The following MYH3 variants were observed in gnomAD, a reference collection of about 807,000 sequenced individuals.
MYH3 encodes myosin heavy chain 3, also known as myosin-3.
MYH3 carries 130 observed loss-of-function variants against 238.0 expected under a neutral mutation model. The ratio of observed to expected loss-of-function variants is 0.55; its 90% CI spans 0.47 to 0.63. MYH3 has a LOEUF of 0.63. MYH3 is among the 30% of genes least tolerant of loss of function. The probability of loss-of-function intolerance (pLI) is 0.00; values close to 1 mark genes in which losing one functional copy is unlikely to be tolerated. For missense variants in MYH3, 1,853 were observed against 2,374.9 expected (o/e 0.78, Z 4.57); for synonymous variants, 880 against 924.1 (o/e 0.95, Z 0.86).
In MYH3 at chr17:10,630,115, T is replaced by C; in HGVS notation, c.5539A>G (p.Arg1847Gly). The change falls in exon 38 of 41, where the codon AGG becomes GGG. Residue 1847 changes from arginine (R) to glycine (G), a missense_variant. Transcript: ENST00000583535. ...SVKGLRKYER[R>G]VKELTYQSEE... ...ACCTGGTACGTCAGCTCCTTGACCC[T>C]CCGCTCATACTTCCTCAGGCCCTTA... is the stretch of plus-strand genomic sequence containing the variant. 3 of 1,614,180 alleles carry C rather than the reference T, an allele frequency of 1.9e-6. No individual in the cohort carries two copies. Among genetic ancestry groups the C allele is most frequent in the Non-Finnish European group, 2.5e-6 (3 of 1,180,014 alleles).
Position 10,638,857 on chromosome 17 carries a change from T to G in MYH3, c.3339+16A>C. 6.2e-7 allele frequency: 1 copy of G among 1,611,360 alleles called. No homozygotes were observed. The highest frequency in any genetic ancestry group is 8.5e-7 in the Non-Finnish European group (1 of 1,177,606). On this transcript the variant is annotated intron_variant, in intron 26 of 40. Coordinates refer to ENST00000583535, the MANE Select transcript of MYH3 (RefSeq NM_002470.4). ...AGTGGCCTCACATGGAAGAGAGAAA[T>G]GCAGAGGGCTCCTACCTGCAACTCT...
At chr17:10,644,215 C>T in intron 14 of MYH3, 136 bp downstream of exon 14, 2 of 917,578 alleles carry the variant, frequency 2.2e-6, no homozygotes, top group Non-Finnish European at 3.5e-6. Flanking sequence ...TACCGCTCCT[C>T]TATTCCATCC....
intron 6 of MYH3, 83 bp from the exon 7 acceptor site, chr17:10,649,768 G>T: frequency 7.9e-7 from 1 of 1,260,254 alleles, no homozygotes; most frequent in Non-Finnish European, 1.2e-6. Context: ...CTGAGGCCTG[G>T]GCATGGTCTG....
At chr17:10,645,437 C>T (rs978026877) in intron 12 of MYH3, among the ~76,000 whole-genome samples, 2 of 152,014 alleles carry the variant, frequency 1.3e-5, no homozygotes, top group Non-Finnish European at 2.9e-5. Context: ...GTCTGACTCT[C>T]GTGCCTCAGC....
the MYH3 span, among the ~76,000 whole-genome samples, chr17:10,668,042 T>A: frequency 1.3e-5 from 2 of 152,194 alleles, no homozygotes; most frequent in Non-Finnish European, 2.9e-5. Flanking sequence ...AAGACTTAAT[T>A]CCTGTCAATT....
chr17:10,650,461 A>C, intron 5 of MYH3, 60 bp from the exon 6 acceptor site: 1 of 1,494,742 alleles, frequency 6.7e-7, no homozygotes, highest in Admixed American at 1.7e-5. Context: ...TCCCGATTCT[A>C]CCCAACTCTC....
intron 1 of MYH3, among the ~76,000 whole-genome samples, chr17:10,656,561 A>G (rs1259758557): frequency 6.8e-6 from 1 of 147,776 alleles, no homozygotes; most frequent in African/African-American, 2.5e-5. Flanking sequence ...AAAAAAAAAA[A>G]GACTAATACT....
upstream of MYH3, among the ~76,000 whole-genome samples, chr17:10,660,033 C>T (rs902823845): frequency 2.6e-5 from 4 of 152,232 alleles, no homozygotes; most frequent in African/African-American, 9.6e-5. Context: ...GAGCATGGAG[C>T]TGAGAGTCCT....
rs148603186 is a variant in MYH3 at position 10,633,951 on chromosome 17, C to G, written c.4522+66G>C. On this transcript the variant is annotated intron_variant, in intron 32 of 40. Coordinates refer to ENST00000583535, the MANE Select transcript of MYH3 (RefSeq NM_002470.4). Reference sequence around the variant, plus strand: ...AAACTGAGTGATGAAGCCACACCCACGCCAGCATGCTCTCGAGCAATAGAG... The same window carrying G: ...AAACTGAGTGATGAAGCCACACCCAGGCCAGCATGCTCTCGAGCAATAGAG... The G allele has an allele frequency of 1.6e-5, 26 of 1,587,370 alleles. No individual in the cohort carries two copies. In the African/African-American group the frequency reaches 3.4e-4, roughly 20 times the overall value.
upstream of MYH3, among the ~76,000 whole-genome samples, chr17:10,657,710 T>C (rs1215985570): frequency 6.6e-6 from 1 of 152,200 alleles, no homozygotes; most frequent in Non-Finnish European, 1.5e-5. Flanking sequence ...TCTCATCATA[T>C]GGAAAAGTGA....
In MYH3 at chr17:10,635,803, A is replaced by T; in HGVS notation, c.3907T>A (p.Ser1303Thr). 6.2e-7 allele frequency: 1 copy of T among 1,614,152 alleles called. No individual in the cohort carries two copies. Among genetic ancestry groups the T allele is most frequent in the Non-Finnish European group, 8.5e-7 (1 of 1,180,036 alleles). The change falls in exon 29 of 41, where the codon TCC (serine) becomes ACC (threonine). Residue 1303 changes from serine to threonine, a missense_variant. Physicochemically the swap from Ser to Thr is moderately conservative, Grantham distance 58. Transcript: ENST00000583535. The stretch of plus-strand genomic sequence containing the variant: ...TGGGTAAAGGCTTGCTTGCTCCTGG[A>T]AAGTTGGGATACTATGCTTTCTTTT... ...EEKESIVSQL[S>T]RSKQAFTQQT...
intron 1 of MYH3, among the ~76,000 whole-genome samples, chr17:10,656,537 CAAAAA>C (rs71139057): frequency 1.8e-5 from 1 of 55,894 alleles, no homozygotes. Flanking sequence ...AATTCTGTCT[CAAAAA>C]AAAAAAAAAA....
upstream of MYH3, among the ~76,000 whole-genome samples, chr17:10,660,937 A>G (rs1241909132): frequency 6.6e-6 from 1 of 151,258 alleles, no homozygotes; most frequent in Non-Finnish European, 1.5e-5. Flanking sequence ...GTAAGCCGAT[A>G]TTGTGCCACT....
At chr17:10,658,143 G>A (rs560591565), upstream of MYH3, among the ~76,000 whole-genome samples, 13 of 152,214 alleles carry the variant, frequency 8.5e-5, no homozygotes, top group African/African-American at 1.4e-4. Flanking sequence ...GAGAAAGGGC[G>A]GACAAGGGGG....
At chr17:10,650,327 G>C (rs1368683577) in intron 6 of MYH3, 47 bp downstream of exon 6, 2 of 1,568,960 alleles carry the variant, frequency 1.3e-6, no homozygotes, top group Non-Finnish European at 1.8e-6. Context: ...GAACAGAATA[G>C]AGCCAGTGGC....
Position 10,635,807 on chromosome 17 carries a change from T to C in MYH3, c.3903A>G (p.Gln1301=), listed in dbSNP as rs376842050. ...TAAAGGCTTGCTTGCTCCTGGAAAG[T>C]TGGGATACTATGCTTTCTTTTTCTT... ...QLEEKESIVS[Q]LSRSKQAFTQ... Residue 1301 remains glutamine, a synonymous_variant, in exon 29 of 41, where the codon CAA becomes CAG. Coordinates refer to ENST00000583535, the MANE Select transcript of MYH3 (RefSeq NM_002470.4). The C allele has an allele frequency of 6.2e-6, 10 of 1,614,030 alleles. No individual in the cohort carries two copies. The highest frequency in any genetic ancestry group is 5.0e-5 in the Admixed American group (3 of 59,994).
rs2074116186 is a variant in MYH3, at chr17:10,628,570, C to T, written c.*83G>A. ...AAGTTTATTGCATGTGAAAAAGAGT[C>T]ACATGGACATTAAGTATCAATGGTC... On this transcript the variant is annotated 3_prime_UTR_variant, in exon 41 of 41. Coordinates refer to ENST00000583535, the MANE Select transcript of MYH3 (RefSeq NM_002470.4). The T allele has an allele frequency of 5.4e-6, 8 of 1,471,306 alleles. No homozygotes were observed. Among genetic ancestry groups the T allele is most frequent in the Non-Finnish European group, 7.6e-6 (8 of 1,050,182 alleles). The allele number at this position is 1,471,306 out of a possible 1,614,324, so 91.1% of individuals were successfully genotyped here. A position where few individuals can be genotyped will look rare whatever the true frequency, so the allele number is the denominator to read the frequency against.
In MYH3 at chr17:10,635,558, C is replaced by A; in HGVS notation, c.3981G>T (p.Lys1327Asn). 1 of 1,614,240 alleles carries A rather than the reference C, an allele frequency of 6.2e-7. No homozygotes were observed. The highest frequency in any genetic ancestry group is 1.1e-5 in the South Asian group (1 of 91,088). Reference sequence around the variant, plus strand: ...ACTGCAGGGCGTGCGCCAGGGCGTTCTTGGCCTGCAGAAGTTAAAAAGAGA... The same window carrying A: ...ACTGCAGGGCGTGCGCCAGGGCGTTATTGGCCTGCAGAAGTTAAAAAGAGA... ...KRQLEEENKA[K>N]NALAHALQSS... Residue 1327 changes from lysine to asparagine, a missense_variant, in exon 30 of 41, where the codon AAG (lysine) becomes AAT (asparagine). By Grantham distance (94) the Lys-to-Asn change is moderately conservative (BLOSUM62 0). Transcript: ENST00000583535.
upstream of MYH3, among the ~76,000 whole-genome samples, chr17:10,657,908 T>G (rs1455240808): frequency 6.6e-6 from 1 of 152,056 alleles, no homozygotes; most frequent in Non-Finnish European, 1.5e-5. Flanking sequence ...TTCTTTCTCT[T>G]ATTTTCTCCT....
Sources: allele counts gnomAD v4.1 joint callset (sites outside exome capture counted in the v4.1 genomes callset), GRCh38; gene constraint gnomAD v4.1.1; transcripts MANE v1.5; gene names NCBI Gene and HGNC (gene_info 2026-07-23, HGNC 2026-07-21).